NRG1: variants seen among roughly 807,000 people sequenced by gnomAD.
NRG1 encodes the protein neuregulin 1.
Under a neutral mutation model 63.8 loss-of-function variants are expected in NRG1, and 18 were observed. That is an observed-to-expected ratio of 0.28 (90% CI 0.19 to 0.42). The LOEUF is 0.42. Ranked by LOEUF, NRG1 falls within the 10% of genes least tolerant of loss-of-function variation. The pLI, the probability that NRG1 is intolerant of heterozygous loss-of-function variation, is 1.00. For synonymous variants in NRG1, 302 were observed against 301.3 expected (o/e 1.00, Z -0.02); for missense variants, 762 against 814.7 (o/e 0.94, Z 0.79).
chr8:32,434,865 A>G (rs1374626717), intron 1 of NRG1, among the ~76,000 whole-genome samples: 1 of 152,194 alleles, frequency 6.6e-6, no homozygotes, highest in Non-Finnish European at 1.5e-5. Flanking sequence ...CATATTGGGT[A>G]TTGTAAGTAA....
chr8:32,059,074 A>G (rs1823428892), intron 1 of NRG1, among the ~76,000 whole-genome samples: 1 of 152,104 alleles, frequency 6.6e-6, no homozygotes, highest in Non-Finnish European at 1.5e-5. Context: ...ACATTTTTTT[A>G]AGAGACCAAT....
At chr8:31,671,174 A>G (rs1453191105) in intron 1 of NRG1, among the ~76,000 whole-genome samples, 2 of 152,152 alleles carry the variant, frequency 1.3e-5, no homozygotes, top group Admixed American at 6.5e-5. Context: ...TCAAATCAAC[A>G]AACAAAACAT....
At chr8:32,331,333 A>T (rs1802620650) in intron 1 of NRG1, among the ~76,000 whole-genome samples, 1 of 145,672 alleles carries the variant, frequency 6.9e-6, no homozygotes, top group Admixed American at 7.0e-5. Flanking sequence ...AGCCTGGGCA[A>T]CATGGCGAAA....
At chr8:32,356,476 C>T (rs1009666763) in intron 1 of NRG1, among the ~76,000 whole-genome samples, 2 of 112,572 alleles carry the variant, frequency 1.8e-5, no homozygotes, top group Admixed American at 8.4e-5. Flanking sequence ...TTGTTGGGAC[C>T]CCCCCCCCAC....
At chr8:32,267,788 T>G (rs1000033838) in intron 1 of NRG1, among the ~76,000 whole-genome samples, 3 of 152,226 alleles carry the variant, frequency 2.0e-5, no homozygotes, top group Non-Finnish European at 4.4e-5. Context: ...CTCTTCCTTA[T>G]GTTATACCTG....
intron 1 of NRG1, among the ~76,000 whole-genome samples, chr8:31,768,759 G>A (rs1046636180): frequency 2.0e-5 from 3 of 152,120 alleles, no homozygotes; most frequent in Non-Finnish European, 2.9e-5. Flanking sequence ...CTAACTGGTC[G>A]CAAACTTGGG....
chr8:32,711,857 G>A (rs1817895914), intron 5 of NRG1, among the ~76,000 whole-genome samples: 1 of 152,088 alleles, frequency 6.6e-6, no homozygotes. Context: ...AGTTGGTGAT[G>A]ACTCATTCTA....
intron 1 of NRG1, among the ~76,000 whole-genome samples, chr8:31,991,378 C>CTCTTCTTCTGCT (rs1554594926): frequency 2.6e-4 from 39 of 149,370 alleles, no homozygotes; most frequent in Admixed American, 2.2e-3. Context: ...CCTCCTCCTC[C>CTCTTCTTCTGCT]TCTTCTTCTG....
chr8:31,953,006 C>A (rs1166625033), intron 1 of NRG1, among the ~76,000 whole-genome samples: 1 of 152,120 alleles, frequency 6.6e-6, no homozygotes, highest in Non-Finnish European at 1.5e-5. Flanking sequence ...TCTCATGGAC[C>A]TACCTCTTAA....
rs116888806 is a variant in NRG1, at chr8:32,277,038, C to T, written c.38-318790C>T. 4.6e-3 allele frequency among the ~76,000 whole-genome samples: 708 copies of T among 152,286 alleles called. 1 individual carries two copies. Among genetic ancestry groups the T allele is most frequent in the Middle Eastern group, 0.014 (4 of 294 alleles). On this transcript the variant is annotated intron_variant, in intron 1 of 10. Transcript: ENST00000519301. ...GTTGGTGAAAATCACATCTGATATG[C>T]GTGATTCCAGGAAGCTCATCTGCCT...
At chr8:32,372,023 A>G (rs1464990323) in intron 1 of NRG1, among the ~76,000 whole-genome samples, 6 of 103,328 alleles carry the variant, frequency 5.8e-5, no homozygotes, top group African/African-American at 1.4e-4. Flanking sequence ...GGGTTGTGCC[A>G]TGTCACCCAG....
At chr8:31,933,306 G>C (rs1192235978) in intron 1 of NRG1, among the ~76,000 whole-genome samples, 1 of 151,030 alleles carries the variant, frequency 6.6e-6, no homozygotes, top group African/African-American at 2.4e-5. Context: ...TTGAGACAGA[G>C]TTTCACTCTT....
At chr8:32,265,367 G>T (rs966257370) in intron 1 of NRG1, among the ~76,000 whole-genome samples, 1 of 151,824 alleles carries the variant, frequency 6.6e-6, no homozygotes, top group African/African-American at 2.4e-5. Flanking sequence ...AAATAATATT[G>T]CTGTCAGTAA....
intron 1 of NRG1, among the ~76,000 whole-genome samples, chr8:32,511,390 T>TAC (rs1224601539): frequency 2.9e-5 from 4 of 137,764 alleles, no homozygotes; most frequent in African/African-American, 1.0e-4. Flanking sequence ...TATATATATA[T>TAC]ATATATATAA....
intron 3 of NRG1, among the ~76,000 whole-genome samples, chr8:32,613,049 A>C (rs1056547912): frequency 6.6e-6 from 1 of 152,050 alleles, no homozygotes; most frequent in East Asian, 1.9e-4. Flanking sequence ...ATATCTTCAT[A>C]TTACCAATTC....
chr8:32,137,793 TTC>T (rs1835740540), intron 1 of NRG1, among the ~76,000 whole-genome samples: 1 of 152,218 alleles, frequency 6.6e-6, no homozygotes, highest in African/African-American at 2.4e-5. Context: ...TTTTCCTCCC[TTC>T]TGAGAGTCTA....
At chr8:31,947,953 A>AAC (rs1379225725) in intron 1 of NRG1, among the ~76,000 whole-genome samples, 1 of 149,992 alleles carries the variant, frequency 6.7e-6, no homozygotes, top group Non-Finnish European at 1.5e-5. Flanking sequence ...TCAAAAAAAA[A>AAC]AAAAAAAAAA....
intron 1 of NRG1, among the ~76,000 whole-genome samples, chr8:32,047,614 C>T (rs1178505944): frequency 6.6e-6 from 1 of 151,866 alleles, no homozygotes; most frequent in Non-Finnish European, 1.5e-5. Context: ...CTCTAGATCT[C>T]TTTAAGGATA....
At chr8:32,420,275 T>C (rs1816536158) in intron 1 of NRG1, among the ~76,000 whole-genome samples, 2 of 152,198 alleles carry the variant, frequency 1.3e-5, no homozygotes, top group Non-Finnish European at 2.9e-5. Context: ...GTTGTTTTTG[T>C]TGTTCTTCTC....
Sources: gnomAD v4.1 joint callset for allele counts (sites outside exome capture counted in the v4.1 genomes callset) on GRCh38, gnomAD v4.1.1 for gene constraint, MANE v1.5 for transcripts, NCBI Gene and HGNC (gene_info 2026-07-23, HGNC 2026-07-21) for gene names.